The following GPR143 variants were observed in gnomAD, a reference collection of about 807,000 sequenced individuals.
The protein encoded by GPR143 is G-protein coupled receptor 143.
In GPR143, 8 loss-of-function variants were observed where a neutral mutation model predicts 27.6. The observed-to-expected ratio is 0.29, with a 90% CI of 0.17 to 0.52. The LOEUF (loss-of-function observed/expected upper bound fraction) is 0.52. GPR143 is among the 20% of genes least tolerant of loss of function. The pLI is 0.96. For missense variants in GPR143, 303 were observed against 343.1 expected, an observed-to-expected ratio of 0.88 and a Z score of 0.92; for synonymous variants, 156 against 153.2, an observed-to-expected ratio of 1.02 and a Z score of -0.13.
At chrX:9,764,223 C>T (rs2083516170) in intron 1 of GPR143, among the ~76,000 whole-genome samples, 1 of 110,874 alleles carries the variant, frequency 9.0e-6, no homozygotes, top group Admixed American at 9.7e-5. Context: ...CCCAGGAGGT[C>T]GAGGCTGCAG....
intron 1 of GPR143, among the ~76,000 whole-genome samples, chrX:9,762,079 C>A (rs1349955546): frequency 1.1e-5 from 1 of 88,792 alleles, no homozygotes; most frequent in Non-Finnish European, 2.2e-5. Flanking sequence ...AGAGTGAGAC[C>A]CTGTGTCAAA....
intron 1 of GPR143, 99 bp from the exon 2 acceptor site, chrX:9,760,925 A>G: frequency 4.2e-6 from 2 of 472,939 alleles, no homozygotes; most frequent in Non-Finnish European, 7.8e-6. Flanking sequence ...AGATAGAGAT[A>G]GGAAGAGAGG....
chrX:9,740,861 A>C (rs1159546477), intron 7 of GPR143: 1 of 291,920 alleles, frequency 3.4e-6, no homozygotes, highest in Non-Finnish European at 5.9e-6. Flanking sequence ...CATGGTCTGA[A>C]GCATTCCTTC....
rs370421469 is a variant in GPR143, at chrX:9,728,124, T to C, written c.1121-2284A>G. Among the ~76,000 whole-genome samples the C allele has an allele frequency of 8.0e-5, 9 of 112,017 alleles. No individual in the cohort carries two copies. In the East Asian group the frequency reaches 2.0e-3, roughly 25 times the overall value. ...TATGATGTCATTATTTGTGTTTTTC[T>C]TTCTGTCTCTGCCACTAGAGTGGAG... On this transcript the variant is annotated intron_variant, in intron 8 of 8. Coordinates refer to ENST00000467482, the MANE Select transcript of GPR143 (RefSeq NM_000273.3).
chrX:9,765,813 G>A lies in GPR143; in HGVS notation c.5C>T (p.Ala2Val). The A allele has an allele frequency of 9.0e-7, 1 of 1,108,954 alleles. No individual in the cohort carries two copies. Among genetic ancestry groups the A allele is most frequent in the Non-Finnish European group, 1.2e-6 (1 of 847,958 alleles). 91.4% of individuals were successfully genotyped at this position (1,108,954 alleles called of 1,213,427 possible). A position where few individuals can be genotyped will look rare whatever the true frequency, so the allele number is the denominator to read the frequency against. Reference sequence around the variant, plus strand: ...GCAGAAGGTCCCTAGGCGCGGGGAGGCCATGGGCTGTGTTCGCGGACGCGG... The same window carrying A: ...GCAGAAGGTCCCTAGGCGCGGGGAGACCATGGGCTGTGTTCGCGGACGCGG... M[A>V]SPRLGTFCCP... The change falls in exon 1 of 9, where the codon GCC (alanine) becomes GTC (valine). Residue 2 changes from alanine (A) to valine (V), a missense_variant. Transcript: ENST00000467482.
At chrX:9,743,218 CAAAAAAA>C (rs35238066) in intron 6 of GPR143, among the ~76,000 whole-genome samples, 1 of 37,269 alleles carries the variant, frequency 2.7e-5, no homozygotes, top group African/African-American at 1.1e-4. Flanking sequence ...GACCCTGTCT[CAAAAAAA>C]AAAAAAAAAA....
intron 3 of GPR143, among the ~76,000 whole-genome samples, chrX:9,757,458 C>T (rs1270095024): frequency 8.9e-6 from 1 of 112,079 alleles, no homozygotes; most frequent in Admixed American, 9.5e-5. Flanking sequence ...ACGGATAAAC[C>T]GTGAAAATGT....
chrX:9,753,064 G>A (rs2083458193), intron 3 of GPR143, among the ~76,000 whole-genome samples: 1 of 111,181 alleles, frequency 9.0e-6, no homozygotes, highest in Non-Finnish European at 1.9e-5. Flanking sequence ...AAAAAAATTT[G>A]CAACAAGATA....
chrX:9,739,758 G>A (rs2083394681), intron 7 of GPR143, 39 bp from the exon 8 acceptor site: 1 of 917,219 alleles, frequency 1.1e-6, no homozygotes, highest in African/African-American at 1.9e-5. Context: ...AGTCAGTGCA[G>A]CGTAGCAGAA....
At chrX:9,743,765 G>T in intron 5 of GPR143, 92 bp from the exon 6 acceptor site, 1 of 594,079 alleles carries the variant, frequency 1.7e-6, no homozygotes, top group Non-Finnish European at 3.0e-6. Context: ...GAGCCCACAA[G>T]CAAGGCCAGA....
chrX:9,740,908 C>A, intron 7 of GPR143: 1 of 296,392 alleles, frequency 3.4e-6, no homozygotes, highest in East Asian at 4.8e-5. Context: ...CTGCCAGGAG[C>A]TTTGATACAC....
In GPR143 at chrX:9,743,542, C is replaced by T. The variant is rs1312217022; in HGVS notation, c.767+23G>A. ...GCCCTTCCCACTGGCAATAAAAATA[C>T]ACATATATAGAAGAAAGGTTACCAA... On this transcript the variant is annotated intron_variant, in intron 6 of 8. Coordinates refer to ENST00000467482, the MANE Select transcript of GPR143 (RefSeq NM_000273.3). 4.6e-6 allele frequency: 4 copies of T among 877,242 alleles called. No homozygotes were observed. In the South Asian group the frequency reaches 7.9e-5, roughly 17 times the overall value. 72.3% of individuals were successfully genotyped at this position (877,242 alleles called of 1,213,427 possible). A position where few individuals can be genotyped will look rare whatever the true frequency, so the allele number is the denominator to read the frequency against.
In GPR143 at chrX:9,725,702, T is replaced by C. The variant is rs757278922; in HGVS notation, c.*44A>G. The C allele has an allele frequency of 5.1e-6, 5 of 972,944 alleles. No homozygotes were observed. In the African/African-American group the frequency reaches 5.7e-5, roughly 11 times the overall value. The allele number at this position is 972,944 out of a possible 1,213,427, so 80.2% of individuals were successfully genotyped here. ...ACACAGTTCTAAAGAACAAGAATTGTTGAGTCTGAGGAATATGGGGTCTGG... is the reference window on the plus strand; with the variant it reads ...ACACAGTTCTAAAGAACAAGAATTGCTGAGTCTGAGGAATATGGGGTCTGG... On this transcript the variant is annotated 3_prime_UTR_variant, in exon 9 of 9. Coordinates refer to ENST00000467482, the MANE Select transcript of GPR143 (RefSeq NM_000273.3).
chrX:9,745,693 T>C (rs2083425446), intron 5 of GPR143, among the ~76,000 whole-genome samples: 1 of 111,881 alleles, frequency 8.9e-6, no homozygotes. Context: ...ACAGACTCAG[T>C]CCCTTCCCCC....
At chrX:9,760,033 C>T (rs190629118) in intron 2 of GPR143, among the ~76,000 whole-genome samples, 1 of 111,926 alleles carries the variant, frequency 8.9e-6, no homozygotes, top group African/African-American at 3.2e-5. Flanking sequence ...GTATGTGTGT[C>T]TGTGTATATA....
At chrX:9,764,658 TAACA>T (rs2083519833) in intron 1 of GPR143, among the ~76,000 whole-genome samples, 1 of 111,342 alleles carries the variant, frequency 9.0e-6, no homozygotes, top group Admixed American at 9.6e-5. Flanking sequence ...AGTTTCCATA[TAACA>T]AACACAATAA....
chrX:9,728,407 A>AT, intron 8 of GPR143, among the ~76,000 whole-genome samples: 1 of 108,406 alleles, frequency 9.2e-6, no homozygotes, highest in South Asian at 4.0e-4. Context: ...AACAAAAAAA[A>AT]AAAAAATTAG....
chrX:9,741,312 TTAAAA>T (rs1403038043), intron 7 of GPR143, 21 bp downstream of exon 7: 1 of 618,426 alleles, frequency 1.6e-6, no homozygotes, highest in African/African-American at 2.3e-5. Context: ...AATTAACTAA[TTAAAA>T]TAAAATATAG....
intron 8 of GPR143, among the ~76,000 whole-genome samples, chrX:9,734,112 T>G (rs1197046132): frequency 1.0e-5 from 1 of 98,218 alleles, no homozygotes; most frequent in African/African-American, 3.8e-5. Context: ...AAGAATAAAA[T>G]AGATTATAGA....
Sources: gnomAD v4.1 joint callset for allele counts (sites outside exome capture counted in the v4.1 genomes callset) on GRCh38, gnomAD v4.1.1 for gene constraint, MANE v1.5 for transcripts, NCBI Gene and HGNC (gene_info 2026-07-23, HGNC 2026-07-21) for gene names.